The following CMIP variants were observed in gnomAD, a reference collection of about 807,000 sequenced individuals.
CMIP encodes C-Maf-inducing protein.
In CMIP, 13 loss-of-function variants were observed where a neutral mutation model predicts 97.3. The observed-to-expected ratio is 0.13, with a 90% CI of 0.09 to 0.21. The LOEUF (loss-of-function observed/expected upper bound fraction) is 0.21, where lower values mean the gene tolerates loss of function less well. Among genes scored for constraint, CMIP ranks in the 10% least tolerant of loss-of-function variants. The pLI is 1.00. For synonymous variants in CMIP, 538 were observed against 436.3 expected, an observed-to-expected ratio of 1.23 and a Z score of -2.91; for missense variants, 847 against 1,024.9, an observed-to-expected ratio of 0.83 and a Z score of 2.37.
At chr16:81,582,970 T>A (rs755742193) in intron 1 of CMIP, among the ~76,000 whole-genome samples, 15 of 152,064 alleles carry the variant, frequency 9.9e-5, no homozygotes, top group Non-Finnish European at 2.1e-4. Context: ...TAGCAGATGC[T>A]CCAAGGGACA....
intron 1 of CMIP, among the ~76,000 whole-genome samples, chr16:81,497,686 G>T (rs540751812): frequency 2.6e-5 from 4 of 152,228 alleles, no homozygotes; most frequent in Admixed American, 6.5e-5. Flanking sequence ...CACAGGACTC[G>T]CATAGAGTGC....
chr16:81,566,145 G>A (rs2090980254), intron 1 of CMIP, among the ~76,000 whole-genome samples: 1 of 152,252 alleles, frequency 6.6e-6, no homozygotes, highest in African/African-American at 2.4e-5. Context: ...AGACAGAGGT[G>A]CTTCAGATTG....
rs547775138 is a variant in CMIP at position 81,620,016 on chromosome 16, G to A, written c.427-860G>A. On this transcript the variant is annotated intron_variant, in intron 2 of 20. Coordinates refer to ENST00000537098, the MANE Select transcript of CMIP (RefSeq NM_198390.3). The stretch of plus-strand genomic sequence containing the variant: ...TGGAAAGGACTGGATGATGGCAATG[G>A]TAATGATAACAATAATAATAACGAT... 2.6e-5 allele frequency: 4 copies of A among 152,328 alleles called. No homozygotes were observed. In the South Asian group the frequency reaches 8.3e-4, roughly 32 times the overall value. 9.4% of individuals were successfully genotyped at this position (152,328 alleles called of 1,614,324 possible).
intron 3 of CMIP, among the ~76,000 whole-genome samples, chr16:81,649,692 T>A (rs1430304716): frequency 1.3e-5 from 2 of 152,224 alleles, no homozygotes; most frequent in African/African-American, 4.8e-5. Context: ...CATTAATCTT[T>A]CAAAAGTAAA....
intron 6 of CMIP, among the ~76,000 whole-genome samples, chr16:81,661,982 A>G (rs1355565529): frequency 6.6e-6 from 1 of 152,104 alleles, no homozygotes; most frequent in Non-Finnish European, 1.5e-5. Flanking sequence ...TGGCCCAGGG[A>G]GTGAACACCC....
intron 1 of CMIP, among the ~76,000 whole-genome samples, chr16:81,521,699 A>G (rs1368877389): frequency 6.6e-6 from 1 of 152,196 alleles, no homozygotes; most frequent in Non-Finnish European, 1.5e-5. Context: ...ATGTGGGATG[A>G]TGAGCTAACA....
intron 1 of CMIP, among the ~76,000 whole-genome samples, chr16:81,489,399 C>T (rs2089370650): frequency 6.6e-6 from 1 of 152,228 alleles, no homozygotes; most frequent in South Asian, 2.1e-4. Context: ...TACCACAATA[C>T]ACTGGTACTT....
chr16:81,711,333 T>C lies in CMIP; in HGVS notation c.*1534T>C, dbSNP rs1597288507. 6.6e-6 allele frequency: 1 copy of C among 152,320 alleles called. No individual in the cohort carries two copies. The highest frequency in any genetic ancestry group is 2.1e-4 in the South Asian group (1 of 4,828). The allele number at this position is 152,320 out of a possible 1,614,324, so 9.4% of individuals were successfully genotyped here. Reference sequence around the variant, plus strand: ...ATGCTTTTGTCGTTTTATACTTTGCTAGGTAGACTTTATTACCCCCCCACT... The same window carrying C: ...ATGCTTTTGTCGTTTTATACTTTGCCAGGTAGACTTTATTACCCCCCCACT... On this transcript the variant is annotated 3_prime_UTR_variant, in exon 21 of 21. Coordinates refer to ENST00000537098, the MANE Select transcript of CMIP (RefSeq NM_198390.3).
chr16:81,635,885 T>C (rs1279178701), intron 3 of CMIP, among the ~76,000 whole-genome samples: 1 of 152,008 alleles, frequency 6.6e-6, no homozygotes, highest in Non-Finnish European at 1.5e-5. Flanking sequence ...ATTTGGCTCT[T>C]AGGAAAATGG....
At chr16:81,492,587 C>A (rs1233572111) in intron 1 of CMIP, among the ~76,000 whole-genome samples, 1 of 152,026 alleles carries the variant, frequency 6.6e-6, no homozygotes, top group Non-Finnish European at 1.5e-5. Context: ...CAGGGCCGGG[C>A]CTTGCTGGCC....
intron 4 of CMIP, among the ~76,000 whole-genome samples, chr16:81,653,892 TTTAAAACTCACA>T (rs2092455632): frequency 6.6e-6 from 1 of 152,012 alleles, no homozygotes; most frequent in Non-Finnish European, 1.5e-5. Context: ...CAGCCTCTCT[TTTAAAACTCACA>T]TTCTCTCTGA....
At chr16:81,671,525 A>G (rs1382078028) in intron 8 of CMIP, among the ~76,000 whole-genome samples, 1 of 152,254 alleles carries the variant, frequency 6.6e-6, no homozygotes, top group East Asian at 1.9e-4. Flanking sequence ...GTTAGGAATA[A>G]TTAATTATTC....
At chr16:81,554,333 A>T (rs2090718927) in intron 1 of CMIP, among the ~76,000 whole-genome samples, 1 of 152,240 alleles carries the variant, frequency 6.6e-6, no homozygotes, top group Non-Finnish European at 1.5e-5. Context: ...TAATGCAAGG[A>T]GAAGCTAAGG....
chr16:81,454,577 G>A (rs1337768035), intron 1 of CMIP, among the ~76,000 whole-genome samples: 1 of 152,208 alleles, frequency 6.6e-6, no homozygotes, highest in East Asian at 1.9e-4. Context: ...TAAGCATTAG[G>A]TGTATAACTT....
At chr16:81,657,731 CTTTTG>C (rs531428846) in intron 4 of CMIP, 39 bp from the exon 5 acceptor site, 1 of 1,501,804 alleles carries the variant, frequency 6.7e-7, no homozygotes, top group Non-Finnish European at 9.0e-7. Flanking sequence ...TCTTAATTTT[CTTTTG>C]TTTTGTTTTC....
chr16:81,707,166 C>G (rs1908244446), intron 20 of CMIP, 82 bp downstream of exon 20: 1 of 1,133,692 alleles, frequency 8.8e-7, no homozygotes, highest in African/African-American at 1.5e-5. Context: ...CTGCACAGAG[C>G]TCGTTCTCCA....
At chr16:81,451,925 A>G (rs1490484322) in intron 1 of CMIP, among the ~76,000 whole-genome samples, 2 of 152,230 alleles carry the variant, frequency 1.3e-5, no homozygotes, top group Non-Finnish European at 2.9e-5. Context: ...AGTGTATTCA[A>G]CAGGCACCGA....
rs1053170284 is a variant in CMIP at position 81,614,749 on chromosome 16, ATG to A, written c.427-6123_427-6122del. ...CACATGTGTGTCTCTGTGAGTGTGT[ATG>A]TGTCTATGTCTGTGGTGTGTGTGGT... On this transcript the variant is annotated intron_variant, in intron 2 of 20. Transcript: ENST00000537098. The surrounding 1 kb of genome is among the most constrained non-coding windows in gnomAD (Gnocchi z 5.3). Among the ~76,000 whole-genome samples, 48 of 148,832 alleles carry A rather than the reference ATG, an allele frequency of 3.2e-4. No homozygotes were observed. Among genetic ancestry groups the A allele is most frequent in the Middle Eastern group, 3.6e-3 (1 of 274 alleles).
intron 10 of CMIP, among the ~76,000 whole-genome samples, chr16:81,684,892 C>T (rs993968606): frequency 6.6e-6 from 1 of 152,228 alleles, no homozygotes; most frequent in Non-Finnish European, 1.5e-5. Flanking sequence ...CCAGGCCAGC[C>T]TTGGCCAAAT....
Sources: gnomAD v4.1 joint callset for allele counts (sites outside exome capture counted in the v4.1 genomes callset) on GRCh38, gnomAD v4.1.1 for gene constraint, Gnocchi (gnomAD v3.1) non-coding constraint, MANE v1.5 for transcripts, NCBI Gene and HGNC (gene_info 2026-07-23, HGNC 2026-07-21) for gene names.